The following IL1RAPL2 variants were observed in gnomAD, a reference collection of about 807,000 sequenced individuals.
IL1RAPL2 encodes X-linked interleukin-1 receptor accessory protein-like 2.
IL1RAPL2 carries 3 observed loss-of-function variants against 44.1 expected under a neutral mutation model. The observed-to-expected ratio is 0.07, with a 90% CI of 0.03 to 0.18. The LOEUF (loss-of-function observed/expected upper bound fraction) is 0.18. Among genes scored for constraint, IL1RAPL2 ranks in the 10% least tolerant of loss-of-function variants. The probability of loss-of-function intolerance (pLI) is 1.00; values close to 1 mark genes in which losing one functional copy is unlikely to be tolerated. For missense variants in IL1RAPL2, 391 were observed against 496.4 expected (o/e 0.79, Z 2.02); for synonymous variants, 181 against 178.8 (o/e 1.01, Z -0.10).
At chrX:105,535,328 A>G (rs2147794810) in intron 6 of IL1RAPL2, among the ~76,000 whole-genome samples, 1 of 112,173 alleles carries the variant, frequency 8.9e-6, no homozygotes, top group Admixed American at 9.4e-5. Context: ...AGAATGCAGC[A>G]GGACTAGAAC....
At chrX:104,946,216 C>T (rs1301498988) in intron 2 of IL1RAPL2, among the ~76,000 whole-genome samples, 3 of 99,169 alleles carry the variant, frequency 3.0e-5, no homozygotes, top group African/African-American at 1.1e-4. Context: ...ACTAAAAATA[C>T]AAAAAAATTA....
chrX:105,102,664 TG>T (rs2032685873), intron 2 of IL1RAPL2, among the ~76,000 whole-genome samples: 2 of 111,778 alleles, frequency 1.8e-5, no homozygotes, highest in Admixed American at 1.9e-4. Flanking sequence ...TGTATATATG[TG>T]TATATATATA....
chrX:104,898,728 ATTCT>A (rs951423436), intron 2 of IL1RAPL2, among the ~76,000 whole-genome samples: 3 of 112,289 alleles, frequency 2.7e-5, no homozygotes, highest in African/African-American at 6.5e-5. Flanking sequence ...CTTTTCTTGG[ATTCT>A]TTGTTTTAAT....
rs1432575251 is a variant in IL1RAPL2 at position 105,300,082 on chromosome X, A to G, written c.697+32541A>G. Among the ~76,000 whole-genome samples, 6 of 111,914 alleles carry G rather than the reference A, an allele frequency of 5.4e-5. No homozygotes were observed. The East Asian group carries it at 1.4e-3, about 26-fold the overall frequency. On this transcript the variant is annotated intron_variant, in intron 5 of 10. Coordinates refer to ENST00000372582, the MANE Select transcript of IL1RAPL2 (RefSeq NM_017416.2). ...GGCAAAAATGTCAGTTCTTGTTACT[A>G]GTCCTTGTTGTCTGTGGGAAATAGA...
chrX:105,716,607 C>T (rs1163422264), intron 6 of IL1RAPL2, among the ~76,000 whole-genome samples: 1 of 111,643 alleles, frequency 9.0e-6, no homozygotes, highest in African/African-American at 3.3e-5. Flanking sequence ...ACAGACATAC[C>T]CAGAAATAAT....
chrX:104,919,228 T>C (rs6621877), intron 2 of IL1RAPL2, among the ~76,000 whole-genome samples: 42 of 55,405 alleles, frequency 7.6e-4, no homozygotes, highest in South Asian at 1.1e-3. Context: ...TTCTTTCTTT[T>C]TTTTTTTTTT....
intron 5 of IL1RAPL2, among the ~76,000 whole-genome samples, chrX:105,276,408 C>G (rs1455576290): frequency 8.9e-6 from 1 of 112,144 alleles, no homozygotes; most frequent in East Asian, 2.8e-4. Flanking sequence ...AACTCCAACT[C>G]AAACAAAACA....
intron 1 of IL1RAPL2, among the ~76,000 whole-genome samples, chrX:104,624,254 G>A (rs1602648836): frequency 2.7e-5 from 3 of 110,187 alleles, no homozygotes; most frequent in South Asian, 3.9e-4. Flanking sequence ...TAATATTTTC[G>A]ACTTTCAGAA....
chrX:105,688,288 G>C (rs1312980765), intron 6 of IL1RAPL2, among the ~76,000 whole-genome samples: 4 of 111,752 alleles, frequency 3.6e-5, no homozygotes, highest in African/African-American at 1.3e-4. Context: ...AATTGTCCCT[G>C]TTTGCAGATG....
intron 2 of IL1RAPL2, among the ~76,000 whole-genome samples, chrX:104,673,059 C>G (rs1930649765): frequency 8.9e-6 from 1 of 111,826 alleles, no homozygotes; most frequent in African/African-American, 3.3e-5. Flanking sequence ...CCTGTTCACT[C>G]TGATGGTCAT....
intron 2 of IL1RAPL2, among the ~76,000 whole-genome samples, chrX:104,821,833 A>G (rs949722841): frequency 8.9e-6 from 1 of 112,021 alleles, no homozygotes; most frequent in Non-Finnish European, 1.9e-5. Flanking sequence ...GTCTTCCACA[A>G]TGGTTGAACT....
chrX:105,686,050 G>A (rs978640283), intron 6 of IL1RAPL2, among the ~76,000 whole-genome samples: 46 of 111,285 alleles, frequency 4.1e-4, no homozygotes, highest in Middle Eastern at 4.6e-3. Context: ...GCTTCTGAAG[G>A]AAGCACTAAA....
At chrX:105,262,545 T>C (rs1444564812) in intron 4 of IL1RAPL2, among the ~76,000 whole-genome samples, 1 of 111,869 alleles carries the variant, frequency 8.9e-6, no homozygotes, top group Admixed American at 9.5e-5. Context: ...CCCCAATTGG[T>C]AAATATTATC....
chrX:105,088,090 A>C (rs767504470), intron 2 of IL1RAPL2, among the ~76,000 whole-genome samples: 3 of 112,294 alleles, frequency 2.7e-5, no homozygotes, highest in Non-Finnish European at 3.8e-5. Context: ...CATTAACATA[A>C]GAATGTTTGT....
At position 104,790,880 on chromosome X, in the gene IL1RAPL2, T is replaced by A. The variant is rs1225741296; in HGVS notation, c.82+131885T>A. Among the ~76,000 whole-genome samples the A allele has an allele frequency of 3.6e-5, 4 of 111,786 alleles. No individual in the cohort carries two copies. In the East Asian group the frequency reaches 1.1e-3, roughly 32 times the overall value. On this transcript the variant is annotated intron_variant, in intron 2 of 10. Coordinates refer to ENST00000372582, the MANE Select transcript of IL1RAPL2 (RefSeq NM_017416.2). ...GTGATCCTCCACAAGACAGTGCTGA[T>A]TTCCACTCCAGCACCACTGTGTGAA...
intron 2 of IL1RAPL2, among the ~76,000 whole-genome samples, chrX:104,967,024 C>T (rs1351454814): frequency 8.9e-6 from 1 of 112,190 alleles, no homozygotes; most frequent in Non-Finnish European, 1.9e-5. Flanking sequence ...TGCAGTTTGC[C>T]AATGCCTAAT....
intron 2 of IL1RAPL2, among the ~76,000 whole-genome samples, chrX:105,113,952 C>A (rs2032826944): frequency 8.9e-6 from 1 of 111,872 alleles, no homozygotes; most frequent in South Asian, 3.8e-4. Flanking sequence ...CTATCACTAT[C>A]CCTTACTAGT....
chrX:105,127,744 A>C (rs1274966142), intron 2 of IL1RAPL2, among the ~76,000 whole-genome samples: 1 of 111,308 alleles, frequency 9.0e-6, no homozygotes, highest in East Asian at 2.8e-4. Context: ...ATTAAACTAA[A>C]GATTTCTTGT....
chrX:105,050,048 G>T (rs970630010), intron 2 of IL1RAPL2, among the ~76,000 whole-genome samples: 4 of 112,001 alleles, frequency 3.6e-5, no homozygotes, highest in African/African-American at 1.3e-4. Context: ...TAATTATAAA[G>T]AATCTTTTTC....
Sources: gnomAD v4.1 joint callset for allele counts (sites outside exome capture counted in the v4.1 genomes callset) on GRCh38, gnomAD v4.1.1 for gene constraint, MANE v1.5 for transcripts, NCBI Gene and HGNC (gene_info 2026-07-23, HGNC 2026-07-21) for gene names.